Variants in MACROD2 observed in about 807,000 individuals in gnomAD.
MACROD2 encodes mono-ADP ribosylhydrolase 2.
In MACROD2, 36 loss-of-function variants were observed where a neutral mutation model predicts 70.4. The observed-to-expected ratio is 0.51, with a 90% CI of 0.39 to 0.68. The LOEUF is 0.68. Among genes scored for constraint, MACROD2 ranks in the 30% least tolerant of loss-of-function variants. The probability of loss-of-function intolerance (pLI) is 0.00; values close to 1 mark genes in which losing one functional copy is unlikely to be tolerated. For missense variants in MACROD2, 496 were observed against 538.4 expected (o/e 0.92, Z 0.78); for synonymous variants, 172 against 178.8 (o/e 0.96, Z 0.30).
intron 6 of MACROD2, among the ~76,000 whole-genome samples, chr20:15,347,909 G>A (rs2078183935): frequency 6.6e-6 from 1 of 152,166 alleles, no homozygotes; most frequent in Non-Finnish European, 1.5e-5. Flanking sequence ...ACAACATATA[G>A]ATTCCAAGAC....
intron 6 of MACROD2, among the ~76,000 whole-genome samples, chr20:15,317,911 G>A (rs1434280290): frequency 6.6e-6 from 1 of 152,012 alleles, no homozygotes; most frequent in African/African-American, 2.4e-5. Context: ...CCAGAATGAT[G>A]TTTGGCCAAA....
At chr20:15,766,630 G>A (rs555035138) in intron 8 of MACROD2, among the ~76,000 whole-genome samples, 5 of 152,174 alleles carry the variant, frequency 3.3e-5, no homozygotes, top group Admixed American at 6.5e-5. Flanking sequence ...TGTCTTCATG[G>A]TCAAACTTTA....
At chr20:14,342,481 C>A (rs1289112259) in intron 3 of MACROD2, among the ~76,000 whole-genome samples, 1 of 152,246 alleles carries the variant, frequency 6.6e-6, no homozygotes, top group Non-Finnish European at 1.5e-5. Flanking sequence ...CAGGGCACAT[C>A]AGTATTACAT....
intron 5 of MACROD2, among the ~76,000 whole-genome samples, chr20:15,145,340 G>A (rs906947379): frequency 4.6e-5 from 7 of 151,972 alleles, no homozygotes; most frequent in African/African-American, 1.7e-4. Flanking sequence ...AGTTCATCAG[G>A]GAGTAGAGAA....
intron 3 of MACROD2, among the ~76,000 whole-genome samples, chr20:14,151,262 GA>G (rs2055016751): frequency 3.6e-4 from 1 of 2,806 alleles, no homozygotes; most frequent in South Asian, 0.25. Context: ...GCCTAGTGTA[GA>G]TTTTTTTTCT....
chr20:15,480,256 C>A (rs1197265070), intron 7 of MACROD2, among the ~76,000 whole-genome samples: 1 of 152,138 alleles, frequency 6.6e-6, no homozygotes, highest in African/African-American at 2.4e-5. Flanking sequence ...TAAACACCCC[C>A]CCTTAAAACT....
At chr20:15,457,902 G>A (rs1307310449) in intron 7 of MACROD2, among the ~76,000 whole-genome samples, 15 of 140,920 alleles carry the variant, frequency 1.1e-4, no homozygotes, top group Non-Finnish European at 2.1e-4. Flanking sequence ...ATAAAATGGA[G>A]ATAACATAAT....
chr20:15,961,486 A>G (rs1405377950), intron 12 of MACROD2, among the ~76,000 whole-genome samples: 1 of 152,232 alleles, frequency 6.6e-6, no homozygotes, highest in East Asian at 1.9e-4. Context: ...GTGTCTGGCT[A>G]AAAGCAATCT....
At chr20:15,883,351 T>C (rs543759294) in intron 9 of MACROD2, among the ~76,000 whole-genome samples, 1 of 152,238 alleles carries the variant, frequency 6.6e-6, no homozygotes, top group African/African-American at 2.4e-5. Context: ...TGAAGTTTAC[T>C]TTGTAACATT....
chr20:14,505,355 T>A (rs185809461), intron 4 of MACROD2, among the ~76,000 whole-genome samples: 1 of 152,340 alleles, frequency 6.6e-6, no homozygotes, highest in East Asian at 1.9e-4. Flanking sequence ...TTGGTGCTCT[T>A]AAATCTGTCT....
intron 6 of MACROD2, among the ~76,000 whole-genome samples, chr20:15,233,735 A>G (rs1215430347): frequency 2.6e-5 from 4 of 151,538 alleles, no homozygotes; most frequent in African/African-American, 9.7e-5. Flanking sequence ...TCTTTTATGA[A>G]TGATGATTTA....
chr20:14,487,589 C>A (rs150003454), intron 3 of MACROD2, among the ~76,000 whole-genome samples: 103 of 152,296 alleles, frequency 6.8e-4, no homozygotes, highest in African/African-American at 2.5e-3. Flanking sequence ...CCCTCTCTCT[C>A]ATTCCCTTAT....
At chr20:15,212,547 T>A (rs552072504) in intron 5 of MACROD2, among the ~76,000 whole-genome samples, 18 of 152,146 alleles carry the variant, frequency 1.2e-4, no homozygotes, top group Non-Finnish European at 2.4e-4. Context: ...TTGTCATTAG[T>A]GTGTGCGACA....
chr20:14,534,050 T>TA (rs1341083662), intron 4 of MACROD2, among the ~76,000 whole-genome samples: 4 of 152,028 alleles, frequency 2.6e-5, no homozygotes, highest in Admixed American at 6.6e-5. Context: ...TTCTACTTAT[T>TA]AAAAAAAATA....
At chr20:14,410,500 A>C (rs6110279) in intron 3 of MACROD2, among the ~76,000 whole-genome samples, 4,032 of 152,102 alleles carry the variant, frequency 0.027, 191 homozygotes, top group African/African-American at 0.092. Context: ...TTCCTGTGTT[A>C]ATGCGTTTAG....
At chr20:15,842,745 G>GATAGATAGAT in intron 8 of MACROD2, among the ~76,000 whole-genome samples, 1 of 37,000 alleles carries the variant, frequency 2.7e-5, no homozygotes, top group South Asian at 5.0e-4. Flanking sequence ...TAGATAGATA[G>GATAGATAGAT]AGAAATAGAC....
chr20:14,631,648 G>A (rs1033150238), intron 4 of MACROD2, among the ~76,000 whole-genome samples: 3 of 152,116 alleles, frequency 2.0e-5, no homozygotes, highest in Admixed American at 1.3e-4. Flanking sequence ...GGTGGCGGGC[G>A]CCTGTAGTCC....
chr20:14,129,672 T>A (rs1292928704), intron 3 of MACROD2, among the ~76,000 whole-genome samples: 1 of 152,180 alleles, frequency 6.6e-6, no homozygotes, highest in African/African-American at 2.4e-5. Flanking sequence ...TGTTTTAAAT[T>A]TCATTGTCTT....
chr20:15,923,932 T>A (rs1222943727), intron 10 of MACROD2, among the ~76,000 whole-genome samples: 1 of 152,234 alleles, frequency 6.6e-6, no homozygotes, highest in Non-Finnish European at 1.5e-5. Context: ...AATCTGTAAT[T>A]TTTAAAGAGA....
Sources: allele counts gnomAD v4.1 joint callset (sites outside exome capture counted in the v4.1 genomes callset), GRCh38; gene constraint gnomAD v4.1.1; transcripts MANE v1.5; gene names NCBI Gene and HGNC (gene_info 2026-07-23, HGNC 2026-07-21).